CDIN1: variants seen among roughly 807,000 people sequenced by gnomAD.
CDIN1 encodes the protein CDAN1-interacting nuclease 1.
A neutral mutation model predicts 45.3 loss-of-function variants in CDIN1; 33 were observed. The observed-to-expected ratio is 0.73, with a 90% CI of 0.55 to 0.97. CDIN1 has a LOEUF of 0.97. CDIN1 is among the 50% of genes least tolerant of loss of function. The probability of loss-of-function intolerance (pLI) is 0.00; values close to 1 mark genes in which losing one functional copy is unlikely to be tolerated. For synonymous variants in CDIN1, 118 were observed against 124.4 expected (o/e 0.95, Z 0.34); for missense variants, 303 against 339.4 (o/e 0.89, Z 0.84).
intron 1 of CDIN1, among the ~76,000 whole-genome samples, chr15:36,616,788 G>A (rs1390056675): frequency 6.6e-6 from 1 of 151,942 alleles, no homozygotes; most frequent in African/African-American, 2.4e-5. Context: ...AGCCAGGCAT[G>A]GTGGCGCATG....
chr15:36,690,834 C>T (rs1288118235), intron 5 of CDIN1, among the ~76,000 whole-genome samples: 1 of 152,138 alleles, frequency 6.6e-6, no homozygotes, highest in Admixed American at 6.5e-5. Flanking sequence ...GAGACCTGCC[C>T]TTCTCCCATG....
intron 10 of CDIN1, among the ~76,000 whole-genome samples, chr15:36,806,074 T>C (rs907544760): frequency 1.3e-5 from 2 of 152,222 alleles, no homozygotes; most frequent in African/African-American, 4.8e-5. Flanking sequence ...TAGAGTCTTA[T>C]TAATGAATCC....
chr15:36,620,271 A>G (rs1327984926), intron 1 of CDIN1, among the ~76,000 whole-genome samples: 1 of 152,102 alleles, frequency 6.6e-6, no homozygotes, highest in Non-Finnish European at 1.5e-5. Flanking sequence ...GAATGGCGTG[A>G]CACCGGGGGG....
At chr15:36,647,871 A>G (rs1367447647) in intron 3 of CDIN1, among the ~76,000 whole-genome samples, 1 of 136,766 alleles carries the variant, frequency 7.3e-6, no homozygotes, top group Non-Finnish European at 1.5e-5. Context: ...ACGGAGTCTC[A>G]CTCTGTCGCC....
intron 10 of CDIN1, among the ~76,000 whole-genome samples, chr15:36,785,494 G>C (rs1218482160): frequency 6.6e-6 from 1 of 152,136 alleles, no homozygotes; most frequent in Non-Finnish European, 1.5e-5. Flanking sequence ...TAGGACATCT[G>C]TGAGGCAGAA....
At chr15:36,599,931 C>T (rs968457652) in intron 1 of CDIN1, among the ~76,000 whole-genome samples, 1 of 152,178 alleles carries the variant, frequency 6.6e-6, no homozygotes, top group Non-Finnish European at 1.5e-5. Flanking sequence ...TATTGAACCT[C>T]CTGCTTAGCA....
intron 10 of CDIN1, among the ~76,000 whole-genome samples, chr15:36,765,062 T>TA (rs2053881584): frequency 1.4e-5 from 2 of 144,936 alleles, no homozygotes; most frequent in African/African-American, 5.0e-5. Flanking sequence ...TCTTTCTTTC[T>TA]TTTTTTTTTT....
chr15:36,622,075 T>TG (rs1291455752), intron 1 of CDIN1, among the ~76,000 whole-genome samples: 2 of 152,212 alleles, frequency 1.3e-5, no homozygotes, highest in African/African-American at 2.4e-5. Flanking sequence ...ATTTTATGTG[T>TG]GGAAAACTTG....
chr15:36,613,844 A>C, intron 1 of CDIN1: 1 of 1,598,650 alleles, frequency 6.3e-7, no homozygotes, highest in South Asian at 1.1e-5. Context: ...GGCAGATAGG[A>C]AGTATGAAGA....
chr15:36,735,469 A>G (rs1251440851), intron 10 of CDIN1, among the ~76,000 whole-genome samples: 2 of 152,072 alleles, frequency 1.3e-5, no homozygotes, highest in African/African-American at 2.4e-5. Context: ...TTATCTTAAT[A>G]TATACTTACA....
chr15:36,610,640 C>A (rs888529968), intron 1 of CDIN1, among the ~76,000 whole-genome samples: 7 of 152,258 alleles, frequency 4.6e-5, no homozygotes, highest in African/African-American at 1.7e-4. Context: ...ATATATGAAT[C>A]TAGTTCTCAG....
chr15:36,749,818 A>G (rs1186941971), intron 10 of CDIN1, among the ~76,000 whole-genome samples: 1 of 152,210 alleles, frequency 6.6e-6, no homozygotes, highest in African/African-American at 2.4e-5. Flanking sequence ...CATTGAGTGA[A>G]GGGAGGACAC....
At chr15:36,604,680 GC>G (rs2038278848) in intron 1 of CDIN1, among the ~76,000 whole-genome samples, 1 of 151,958 alleles carries the variant, frequency 6.6e-6, no homozygotes, top group Admixed American at 6.6e-5. Context: ...TTTAAAAAAA[GC>G]TTTTTCCCTA....
intron 10 of CDIN1, among the ~76,000 whole-genome samples, chr15:36,767,572 C>G (rs1047256703): frequency 1.3e-5 from 2 of 152,194 alleles, no homozygotes; most frequent in African/African-American, 4.8e-5. Flanking sequence ...AGCAGGTGGG[C>G]TTCATATTCC....
At chr15:36,606,066 T>C (rs905390100) in intron 1 of CDIN1, among the ~76,000 whole-genome samples, 1 of 152,098 alleles carries the variant, frequency 6.6e-6, no homozygotes, top group Non-Finnish European at 1.5e-5. Context: ...GTTATCTTAC[T>C]CATGTTCCAG....
At chr15:36,758,551 A>C (rs1314613788) in intron 10 of CDIN1, among the ~76,000 whole-genome samples, 1 of 152,154 alleles carries the variant, frequency 6.6e-6, no homozygotes, top group Non-Finnish European at 1.5e-5. Context: ...AAGTCAATGT[A>C]TTTTATGCAC....
chr15:36,701,117 GGTAGGTAGATAGATAGATAGA>G (rs1566912538), intron 8 of CDIN1, among the ~76,000 whole-genome samples: 11 of 67,096 alleles, frequency 1.6e-4, no homozygotes, highest in African/African-American at 5.9e-4. Flanking sequence ...TAGATAGATA[GGTAGGTAGATAGATAGATAGA>G]TAGATAGATA....
intron 1 of CDIN1, among the ~76,000 whole-genome samples, chr15:36,596,167 T>C (rs1282217251): frequency 7.8e-6 from 1 of 127,974 alleles, no homozygotes; most frequent in Non-Finnish European, 1.6e-5. Context: ...CAGTATCTTG[T>C]TGATGTGAAA....
At chr15:36,654,714 G>A (rs575757071) in intron 4 of CDIN1, among the ~76,000 whole-genome samples, 28 of 152,118 alleles carry the variant, frequency 1.8e-4, no homozygotes, top group Non-Finnish European at 2.8e-4. Flanking sequence ...GAACTTATTC[G>A]TTAACTCTGA....
Sources: gnomAD v4.1 joint callset for allele counts (sites outside exome capture counted in the v4.1 genomes callset) on GRCh38, gnomAD v4.1.1 for gene constraint, MANE v1.5 for transcripts, NCBI Gene and HGNC (gene_info 2026-07-23, HGNC 2026-07-21) for gene names.